Variants in CNTN1 observed in about 807,000 individuals in gnomAD.
CNTN1 encodes contactin 1, also known as contactin-1.
Under a neutral mutation model 126.4 loss-of-function variants are expected in CNTN1, and 38 were observed. The observed-to-expected ratio is 0.30, with a 90% CI of 0.23 to 0.39. The LOEUF is 0.39. Ranked by LOEUF, CNTN1 falls within the 10% of genes least tolerant of loss-of-function variation. The probability of loss-of-function intolerance (pLI) is 1.00; values close to 1 mark genes in which losing one functional copy is unlikely to be tolerated. For missense variants in CNTN1, 1,009 were observed against 1,248.4 expected (o/e 0.81, Z 2.89); for synonymous variants, 413 against 422.6 (o/e 0.98, Z 0.28).
intron 1 of CNTN1, among the ~76,000 whole-genome samples, chr12:40,804,602 T>C (rs1015235384): frequency 2.0e-5 from 3 of 151,964 alleles, no homozygotes; most frequent in African/African-American, 7.2e-5. Context: ...AGATTTAAGA[T>C]GCATCAAGAG....
intron 1 of CNTN1, among the ~76,000 whole-genome samples, chr12:40,884,676 A>AT (rs1271615085): frequency 2.0e-5 from 3 of 151,408 alleles, no homozygotes; most frequent in African/African-American, 7.3e-5. Context: ...ATTAAGTTGC[A>AT]TTTTTTATTC....
At chr12:41,040,024 C>T (rs1328865245) in intron 23 of CNTN1, among the ~76,000 whole-genome samples, 1 of 152,092 alleles carries the variant, frequency 6.6e-6, no homozygotes, top group Non-Finnish European at 1.5e-5. Context: ...TGAGAGGCCT[C>T]AGCTTCATTC....
chr12:40,804,954 G>A (rs1002851740), intron 1 of CNTN1, among the ~76,000 whole-genome samples: 9 of 151,850 alleles, frequency 5.9e-5, no homozygotes, highest in African/African-American at 1.2e-4. Flanking sequence ...TGTTACTGTC[G>A]TTTCCTTCTT....
At chr12:40,959,762 T>G (rs1185428467) in intron 15 of CNTN1, among the ~76,000 whole-genome samples, 6 of 152,080 alleles carry the variant, frequency 3.9e-5, no homozygotes, top group Non-Finnish European at 7.4e-5. Flanking sequence ...ATACATTTAT[T>G]AAAAATGCAA....
At chr12:40,897,279 C>T (rs979386621) in intron 1 of CNTN1, among the ~76,000 whole-genome samples, 2 of 151,994 alleles carry the variant, frequency 1.3e-5, no homozygotes, top group African/African-American at 4.8e-5. Flanking sequence ...ATAATAAATG[C>T]TTAGACTGTT....
chr12:40,795,935 A>G (rs1332806336), intron 1 of CNTN1, among the ~76,000 whole-genome samples: 1 of 152,092 alleles, frequency 6.6e-6, no homozygotes, highest in African/African-American at 2.4e-5. Flanking sequence ...AGATATTATT[A>G]TATTTGTAAT....
intron 1 of CNTN1, among the ~76,000 whole-genome samples, chr12:40,698,959 T>C (rs1941527139): frequency 6.6e-6 from 1 of 152,184 alleles, no homozygotes; most frequent in Non-Finnish European, 1.5e-5. Context: ...TTCTATTCTC[T>C]ACTATAAATA....
chr12:40,818,281 T>A (rs1202583895), intron 1 of CNTN1, among the ~76,000 whole-genome samples: 19 of 152,190 alleles, frequency 1.2e-4, no homozygotes, highest in Admixed American at 1.2e-3. Context: ...GATTCCATCC[T>A]CCCCATCTCC....
chr12:40,859,544 G>A (rs897280977), intron 1 of CNTN1, among the ~76,000 whole-genome samples: 11 of 148,778 alleles, frequency 7.4e-5, no homozygotes, highest in Non-Finnish European at 1.3e-4. Flanking sequence ...AAAAAACAAC[G>A]ACAAAAAGAT....
chr12:41,029,339 G>A lies in CNTN1; in HGVS notation c.2980+120G>A, dbSNP rs894708456. On this transcript the variant is annotated intron_variant, in intron 23 of 23. Transcript: ENST00000551295. ...TGTCCATATTTTCCTAAGTAGATTG[G>A]ACATATCAAGGATTCCCTGAAACTT... is the stretch of plus-strand genomic sequence containing the variant. 37 of 1,133,364 alleles carry A rather than the reference G, an allele frequency of 3.3e-5. No individual in the cohort carries two copies. The Admixed American group carries it at 6.3e-4, about 19-fold the overall frequency. 70.2% of individuals were successfully genotyped at this position (1,133,364 alleles called of 1,614,324 possible). A position where few individuals can be genotyped will look rare whatever the true frequency, so the allele number is the denominator to read the frequency against.
rs562950578 is a variant in CNTN1 at position 40,726,426 on chromosome 12, G to T, written c.-77+33834G>T. ...CCTCAGGAAACTTACAATCATTGTG[G>T]AAGACAAAGGAGAAGCAGGCACCTT... On this transcript the variant is annotated intron_variant, in intron 1 of 23. Coordinates refer to ENST00000551295, the MANE Select transcript of CNTN1 (RefSeq NM_001843.4). 7.4e-4 allele frequency among the ~76,000 whole-genome samples: 112 copies of T among 152,276 alleles called. 1 individual carries two copies. Among genetic ancestry groups the T allele is most frequent in the African/African-American group, 2.6e-3 (109 of 41,572 alleles).
chr12:40,756,612 G>A (rs532098517), intron 1 of CNTN1, among the ~76,000 whole-genome samples: 1 of 152,114 alleles, frequency 6.6e-6, no homozygotes, highest in Non-Finnish European at 1.5e-5. Flanking sequence ...GCTGAGGGTT[G>A]TTAGGAAAGG....
chr12:40,935,217 C>A (rs1255705707), intron 9 of CNTN1, among the ~76,000 whole-genome samples: 1 of 152,052 alleles, frequency 6.6e-6, no homozygotes, highest in East Asian at 1.9e-4. Flanking sequence ...ATGAAATGGC[C>A]TCCTAAAAGG....
chr12:40,859,425 G>A (rs952448722), intron 1 of CNTN1, among the ~76,000 whole-genome samples: 4 of 151,982 alleles, frequency 2.6e-5, no homozygotes, highest in African/African-American at 7.2e-5. Context: ...GCAGATGAAG[G>A]GGGTATATGG....
chr12:40,830,931 A>G (rs1941803437), intron 1 of CNTN1, among the ~76,000 whole-genome samples: 1 of 21,480 alleles, frequency 4.7e-5, no homozygotes, highest in South Asian at 1.8e-3. Flanking sequence ...TTACATATAC[A>G]TATACATATA....
At chr12:40,819,888 A>G (rs1233950460) in intron 1 of CNTN1, among the ~76,000 whole-genome samples, 1 of 151,654 alleles carries the variant, frequency 6.6e-6, no homozygotes, top group Non-Finnish European at 1.5e-5. Context: ...CTCACTCACC[A>G]CCTCTCTTGG....
chr12:40,908,908 A>G (rs1165904830), intron 2 of CNTN1, among the ~76,000 whole-genome samples: 1 of 152,226 alleles, frequency 6.6e-6, no homozygotes, highest in Non-Finnish European at 1.5e-5. Context: ...AATATAAAAT[A>G]TAGTAAATAA....
intron 19 of CNTN1, among the ~76,000 whole-genome samples, chr12:41,020,001 T>G (rs899416407): frequency 4.1e-5 from 6 of 147,590 alleles, no homozygotes; most frequent in African/African-American, 7.9e-5. Context: ...AAAAAAATAG[T>G]TTTTTTTTGC....
At chr12:40,970,641 T>C (rs1053272484) in intron 15 of CNTN1, among the ~76,000 whole-genome samples, 1 of 152,202 alleles carries the variant, frequency 6.6e-6, no homozygotes, top group Non-Finnish European at 1.5e-5. Context: ...GCTGTATTAA[T>C]ATACACATAC....
Sources: gnomAD v4.1 joint callset for allele counts (sites outside exome capture counted in the v4.1 genomes callset) on GRCh38, gnomAD v4.1.1 for gene constraint, MANE v1.5 for transcripts, NCBI Gene and HGNC (gene_info 2026-07-23, HGNC 2026-07-21) for gene names.